Variants in CACNA2D1 observed in about 807,000 individuals in gnomAD.
The protein encoded by CACNA2D1 is voltage-dependent calcium channel subunit alpha-2/delta-1.
In CACNA2D1, 53 loss-of-function variants were observed where a neutral mutation model predicts 171.5. That is an observed-to-expected ratio of 0.31 (90% CI 0.25 to 0.39). The LOEUF (loss-of-function observed/expected upper bound fraction) is 0.39. Among genes scored for constraint, CACNA2D1 ranks in the 10% least tolerant of loss-of-function variants. The pLI, the probability that CACNA2D1 is intolerant of heterozygous loss-of-function variation, is 1.00. For missense variants in CACNA2D1, 903 were observed against 1,299.8 expected, an observed-to-expected ratio of 0.69 and a Z score of 4.69; for synonymous variants, 442 against 443.1, an observed-to-expected ratio of 1.00 and a Z score of 0.03.
intron 38 of CACNA2D1, among the ~76,000 whole-genome samples, chr7:81,951,970 T>TTTTTTTTTTTTTTTGTTG (rs1554321659): frequency 7.0e-3 from 168 of 23,958 alleles, no homozygotes; most frequent in East Asian, 0.026. Context: ...GTACAAAGTG[T>TTTTTTTTTTTTTTTGTTG]TTTTTTTTTT....
chr7:82,153,782 C>G (rs534823039), intron 4 of CACNA2D1, among the ~76,000 whole-genome samples: 3 of 151,944 alleles, frequency 2.0e-5, no homozygotes, highest in Non-Finnish European at 4.4e-5. Context: ...CCTCCCTCCA[C>G]CCACCAAACC....
At chr7:82,409,884 A>G (rs1300427386) in intron 1 of CACNA2D1, among the ~76,000 whole-genome samples, 1 of 152,216 alleles carries the variant, frequency 6.6e-6, no homozygotes, top group East Asian at 1.9e-4. Context: ...AGCCTACTAC[A>G]CATCTAAGTT....
At chr7:82,197,311 G>A (rs552971849) in intron 3 of CACNA2D1, among the ~76,000 whole-genome samples, 3 of 151,944 alleles carry the variant, frequency 2.0e-5, no homozygotes, top group East Asian at 1.9e-4. Flanking sequence ...CCCTATCAGC[G>A]GTTCTCTGAA....
chr7:82,121,878 C>T (rs917341603), intron 5 of CACNA2D1, among the ~76,000 whole-genome samples: 3 of 152,054 alleles, frequency 2.0e-5, no homozygotes, highest in African/African-American at 7.2e-5. Flanking sequence ...CTTAGATTTA[C>T]TCTGGAAAAA....
At chr7:82,240,156 C>T (rs752627028) in intron 3 of CACNA2D1, among the ~76,000 whole-genome samples, 3 of 152,146 alleles carry the variant, frequency 2.0e-5, no homozygotes, top group South Asian at 2.1e-4. Flanking sequence ...TACACACCCA[C>T]GTTTAAACCC....
At chr7:82,077,155 C>T (rs1809068546) in intron 7 of CACNA2D1, among the ~76,000 whole-genome samples, 1 of 152,092 alleles carries the variant, frequency 6.6e-6, no homozygotes, top group Non-Finnish European at 1.5e-5. Flanking sequence ...AAGGCAGAAA[C>T]AACTTGTTAT....
intron 7 of CACNA2D1, among the ~76,000 whole-genome samples, chr7:82,083,391 C>A (rs529825458): frequency 6.6e-6 from 1 of 151,580 alleles, no homozygotes; most frequent in Non-Finnish European, 1.5e-5. Flanking sequence ...GTTTATTATG[C>A]GCATGAGCAG....
chr7:82,022,284 C>T (rs1801319133), intron 12 of CACNA2D1, among the ~76,000 whole-genome samples: 1 of 151,230 alleles, frequency 6.6e-6, no homozygotes, highest in Non-Finnish European at 1.5e-5. Context: ...AATTGATGAT[C>T]GCTCTACTAG....
intron 1 of CACNA2D1, among the ~76,000 whole-genome samples, chr7:82,442,346 G>A (rs141043317): frequency 7.9e-5 from 12 of 152,254 alleles, no homozygotes; most frequent in Middle Eastern, 3.4e-3. Context: ...TATGTAAAAT[G>A]CATTAAAGTG....
intron 3 of CACNA2D1, among the ~76,000 whole-genome samples, chr7:82,249,944 G>A (rs750505983): frequency 6.6e-6 from 1 of 152,184 alleles, no homozygotes; most frequent in Admixed American, 6.5e-5. Flanking sequence ...AGAAAACCAT[G>A]GACTGGGTAA....
intron 3 of CACNA2D1, among the ~76,000 whole-genome samples, chr7:82,331,723 A>G (rs1383740493): frequency 6.6e-6 from 1 of 152,178 alleles, no homozygotes; most frequent in African/African-American, 2.4e-5. Context: ...GTCTCAATAG[A>G]ATTCTATTTT....
At chr7:82,350,104 T>C (rs533740926) in intron 1 of CACNA2D1, among the ~76,000 whole-genome samples, 7 of 152,342 alleles carry the variant, frequency 4.6e-5, no homozygotes, top group South Asian at 4.1e-4. Context: ...CATTCCCTTC[T>C]AGTGTTTTAA....
chr7:82,011,939 A>G, intron 15 of CACNA2D1: 2 of 506,236 alleles, frequency 4.0e-6, no homozygotes, highest in Non-Finnish European at 7.0e-6. Context: ...GATCAAGTAG[A>G]CAATAAGCTA....
intron 6 of CACNA2D1, among the ~76,000 whole-genome samples, chr7:82,096,405 A>G (rs1327947320): frequency 6.6e-6 from 1 of 152,158 alleles, no homozygotes; most frequent in Admixed American, 6.6e-5. Flanking sequence ...TAAACACATA[A>G]GTAAGAACAT....
chr7:82,055,252 A>C (rs1486484738), intron 10 of CACNA2D1, among the ~76,000 whole-genome samples: 2 of 152,286 alleles, frequency 1.3e-5, no homozygotes, highest in African/African-American at 4.8e-5. Context: ...CTGGACAGGC[A>C]AAAGTAACCT....
chr7:82,208,194 T>A (rs1800202390), intron 3 of CACNA2D1, among the ~76,000 whole-genome samples: 1 of 152,182 alleles, frequency 6.6e-6, no homozygotes, highest in African/African-American at 2.4e-5. Flanking sequence ...AAAATTGTTT[T>A]TTACCTTTTA....
At chr7:82,410,523 G>C (rs1304646106) in intron 1 of CACNA2D1, 1 of 985,278 alleles carries the variant, frequency 1.0e-6, no homozygotes, top group Non-Finnish European at 1.2e-6. Flanking sequence ...TCAGTGGTCT[G>C]AAGGTGCACG....
At chr7:81,970,201 C>T (rs551176668) in intron 27 of CACNA2D1, among the ~76,000 whole-genome samples, 1 of 151,322 alleles carries the variant, frequency 6.6e-6, no homozygotes, top group East Asian at 1.9e-4. Flanking sequence ...AGTTTTACTC[C>T]GTTGTTTACT....
chr7:82,310,917 C>A (rs564117433), intron 3 of CACNA2D1, among the ~76,000 whole-genome samples: 1 of 152,068 alleles, frequency 6.6e-6, no homozygotes, highest in Non-Finnish European at 1.5e-5. Context: ...GTGTTCTGAC[C>A]ACAAATTAGC....
Sources: gnomAD v4.1 joint callset for allele counts (sites outside exome capture counted in the v4.1 genomes callset) on GRCh38, gnomAD v4.1.1 for gene constraint, MANE v1.5 for transcripts, NCBI Gene and HGNC (gene_info 2026-07-23, HGNC 2026-07-21) for gene names.